The following HPSE2 variants were observed in gnomAD, a reference collection of about 807,000 sequenced individuals.
The protein encoded by HPSE2 is inactive heparanase-2.
In HPSE2, 38 loss-of-function variants were observed where a neutral mutation model predicts 60.5. The ratio of observed to expected loss-of-function variants is 0.63; its 90% confidence interval spans 0.48 to 0.82. The LOEUF is 0.82. Ranked by LOEUF, HPSE2 falls within the 40% of genes least tolerant of loss-of-function variation. The probability of loss-of-function intolerance (pLI) is 0.00; values close to 1 mark genes in which losing one functional copy is unlikely to be tolerated. For synonymous variants in HPSE2, 295 were observed against 293.2 expected (o/e 1.01, Z -0.06); for missense variants, 713 against 740.4 (o/e 0.96, Z 0.43).
chr10:98,476,523 G>A (rs1941028004), intron 11 of HPSE2, among the ~76,000 whole-genome samples: 1 of 152,054 alleles, frequency 6.6e-6, no homozygotes, highest in Admixed American at 6.6e-5. Flanking sequence ...AGGCATGGTG[G>A]CTCATGCTTG....
At chr10:98,949,426 A>T (rs895940613) in intron 3 of HPSE2, among the ~76,000 whole-genome samples, 6 of 149,352 alleles carry the variant, frequency 4.0e-5, no homozygotes, top group Non-Finnish European at 7.5e-5. Flanking sequence ...TCTGGTGGCA[A>T]AGTTGTGTCA....
intron 3 of HPSE2, among the ~76,000 whole-genome samples, chr10:99,075,380 A>AT (rs2135557987): frequency 6.6e-6 from 1 of 152,218 alleles, no homozygotes; most frequent in South Asian, 2.1e-4. Context: ...TTCCACTGTG[A>AT]TCAGAAAAGA....
Position 98,655,109 on chromosome 10 carries a change from T to C in HPSE2, c.1005-13169A>G, listed in dbSNP as rs141754077. On this transcript the variant is annotated intron_variant, in intron 6 of 11. Transcript: ENST00000370552. ...TTAGTGGACCTGTGTCCCTGGGCTA[T>C]GATCTTCACCTTTTTTTCCCAGTAG... is the stretch of plus-strand genomic sequence containing the variant. Among the ~76,000 whole-genome samples, 354 of 152,328 alleles carry C rather than the reference T, an allele frequency of 2.3e-3. 4 individuals are homozygous for C. Among genetic ancestry groups the C allele is most frequent in the African/African-American group, 8.2e-3 (339 of 41,564 alleles).
chr10:98,469,460 T>G (rs1940686861), intron 11 of HPSE2, among the ~76,000 whole-genome samples: 1 of 152,236 alleles, frequency 6.6e-6, no homozygotes. Flanking sequence ...AAGTAGTGTT[T>G]AAGGGGCATT....
chr10:98,671,964 G>A, intron 6 of HPSE2, among the ~76,000 whole-genome samples: 1 of 152,144 alleles, frequency 6.6e-6, no homozygotes, highest in Non-Finnish European at 1.5e-5. Flanking sequence ...TACCTACACA[G>A]AACAGGAAAT....
chr10:98,971,377 T>C (rs1307251224), intron 3 of HPSE2, among the ~76,000 whole-genome samples: 1 of 142,716 alleles, frequency 7.0e-6, no homozygotes, highest in Non-Finnish European at 1.6e-5. Flanking sequence ...TTCATCATCA[T>C]TGATCCTTGC....
chr10:98,509,434 T>C (rs1006311066), intron 9 of HPSE2, among the ~76,000 whole-genome samples: 1 of 152,160 alleles, frequency 6.6e-6, no homozygotes, highest in African/African-American at 2.4e-5. Flanking sequence ...ATTTAAGAGA[T>C]AGCATTGATA....
chr10:98,911,864 C>T (rs1017346271), intron 3 of HPSE2, among the ~76,000 whole-genome samples: 1 of 152,074 alleles, frequency 6.6e-6, no homozygotes, highest in South Asian at 2.1e-4. Context: ...GTTTTAGAAT[C>T]GATGGATATG....
intron 2 of HPSE2, among the ~76,000 whole-genome samples, chr10:99,168,021 T>C (rs994382845): frequency 1.3e-5 from 2 of 151,782 alleles, no homozygotes; most frequent in Non-Finnish European, 1.5e-5. Context: ...TGAGAGTTTT[T>C]ATCATGAATG....
At chr10:98,492,457 G>A (rs1941683987) in intron 9 of HPSE2, among the ~76,000 whole-genome samples, 1 of 147,172 alleles carries the variant, frequency 6.8e-6, no homozygotes, top group Non-Finnish European at 1.5e-5. Context: ...AGCCGAGATT[G>A]CGCCACTGCA....
chr10:98,815,046 C>G (rs902505270), intron 3 of HPSE2, among the ~76,000 whole-genome samples: 4 of 152,164 alleles, frequency 2.6e-5, no homozygotes, highest in African/African-American at 9.7e-5. Flanking sequence ...GGCAGGAGGA[C>G]TGCTTGAGGC....
At position 98,893,314 on chromosome 10, in the gene HPSE2, G is replaced by A. The variant is rs114357685; in HGVS notation, c.611-149258C>T. 7.6e-3 allele frequency among the ~76,000 whole-genome samples: 1,156 copies of A among 152,138 alleles called. 11 individuals carry two copies. The highest frequency in any genetic ancestry group is 0.026 in the African/African-American group (1,083 of 41,508). On this transcript the variant is annotated intron_variant, in intron 3 of 11. Transcript: ENST00000370552. ...ACTCCCGATCTCAGATGATATGGCC[G>A]CCTCAGCCTCCCAAAGTGTTGGGAT... is the stretch of plus-strand genomic sequence containing the variant.
Position 98,614,900 on chromosome 10 carries a change from T to A in HPSE2, c.1320+4A>T. On this transcript the variant is annotated splice_donor_region_variant and intron_variant, in intron 9 of 11. Coordinates refer to ENST00000370552, the MANE Select transcript of HPSE2 (RefSeq NM_021828.5). ...GGGATTGGGAATCTTTATCCCACAC[T>A]TACTGGTAATGGGTTAAAATTCTGG... is the stretch of plus-strand genomic sequence containing the variant. The A allele has an allele frequency of 6.3e-7, 1 of 1,581,948 alleles. No individual in the cohort carries two copies. The highest frequency in any genetic ancestry group is 8.7e-7 in the Non-Finnish European group (1 of 1,150,606).
At chr10:99,100,223 CA>C (rs1399371152) in intron 3 of HPSE2, among the ~76,000 whole-genome samples, 1 of 152,048 alleles carries the variant, frequency 6.6e-6, no homozygotes, top group Non-Finnish European at 1.5e-5. Flanking sequence ...GAATCCATCG[CA>C]AAGAAGCTAA....
intron 11 of HPSE2, among the ~76,000 whole-genome samples, chr10:98,482,237 C>T (rs1239711835): frequency 2.0e-5 from 3 of 152,104 alleles, no homozygotes; most frequent in Non-Finnish European, 4.4e-5. Context: ...CAGAATGTTA[C>T]AGCTGTGAGG....
the HPSE2 span, among the ~76,000 whole-genome samples, chr10:99,287,135 G>C: frequency 1.3e-5 from 2 of 152,048 alleles, no homozygotes; most frequent in African/African-American, 4.8e-5. Context: ...AATTATCTTA[G>C]AGCTAATCCT....
At chr10:98,792,990 G>T (rs1456577294) in intron 3 of HPSE2, among the ~76,000 whole-genome samples, 1 of 152,160 alleles carries the variant, frequency 6.6e-6, no homozygotes. Context: ...CCACTTCACA[G>T]ACAAAAAACA....
chr10:98,659,803 A>G (rs907628183), intron 6 of HPSE2, among the ~76,000 whole-genome samples: 1 of 152,188 alleles, frequency 6.6e-6, no homozygotes, highest in Non-Finnish European at 1.5e-5. Flanking sequence ...AATTAGAAAG[A>G]TAAAGAAAAC....
chr10:98,907,379 T>C (rs916571321), intron 3 of HPSE2, among the ~76,000 whole-genome samples: 18 of 152,280 alleles, frequency 1.2e-4, no homozygotes, highest in African/African-American at 4.1e-4. Context: ...CATGTGCCTA[T>C]AGACTTAGCT....
Sources: gnomAD v4.1 joint callset for allele counts (sites outside exome capture counted in the v4.1 genomes callset) on GRCh38, gnomAD v4.1.1 for gene constraint, MANE v1.5 for transcripts, NCBI Gene and HGNC (gene_info 2026-07-23, HGNC 2026-07-21) for gene names.